ZMAT4: variants seen among roughly 807,000 people sequenced by gnomAD.
The protein encoded by ZMAT4 is zinc finger matrin-type 4.
Under a neutral mutation model 28.7 loss-of-function variants are expected in ZMAT4, and 17 were observed. The observed-to-expected ratio is 0.59, with a 90% CI of 0.41 to 0.89. The LOEUF (loss-of-function observed/expected upper bound fraction) is 0.89. Ranked by LOEUF, ZMAT4 falls within the 40% of genes least tolerant of loss-of-function variation. The pLI, the probability that ZMAT4 is intolerant of heterozygous loss-of-function variation, is 0.00. For synonymous variants in ZMAT4, 117 were observed against 109.2 expected, an observed-to-expected ratio of 1.07 and a Z score of -0.44; for missense variants, 240 against 283.8, an observed-to-expected ratio of 0.85 and a Z score of 1.11.
At chr8:40,684,466 G>A (rs1231457482) in intron 4 of ZMAT4, among the ~76,000 whole-genome samples, 1 of 152,192 alleles carries the variant, frequency 6.6e-6, no homozygotes, top group Non-Finnish European at 1.5e-5. Context: ...GCACCCCCTG[G>A]ATCACAGGCA....
chr8:40,813,674 G>C (rs745824068), intron 2 of ZMAT4, among the ~76,000 whole-genome samples: 1 of 152,226 alleles, frequency 6.6e-6, no homozygotes, highest in Non-Finnish European at 1.5e-5. Flanking sequence ...CAGACAAAAG[G>C]TATTACCTAG....
At chr8:40,702,454 A>T (rs1267519793) in intron 3 of ZMAT4, among the ~76,000 whole-genome samples, 1 of 152,240 alleles carries the variant, frequency 6.6e-6, no homozygotes, top group Admixed American at 6.5e-5. Context: ...TGCTGAAAGA[A>T]ATAAAAAGAA....
At chr8:40,848,874 C>T (rs1203452166) in intron 1 of ZMAT4, among the ~76,000 whole-genome samples, 2 of 152,156 alleles carry the variant, frequency 1.3e-5, no homozygotes, top group African/African-American at 4.8e-5. Flanking sequence ...ATTGTGGTTC[C>T]TGGTTCCACA....
At position 40,895,613 on chromosome 8, in the gene ZMAT4, G is replaced by A. The variant is rs543363270; in HGVS notation, c.-5+2070C>T. 3.3e-5 allele frequency among the ~76,000 whole-genome samples: 5 copies of A among 152,214 alleles called. No individual in the cohort carries two copies. In the East Asian group the frequency reaches 9.7e-4, roughly 29 times the overall value. Reference sequence around the variant, plus strand: ...GCGTGTCCCACTTGTACTTTCCAAGGCCCCCTCCGCCCCCTCCCCCCACAC... The same window carrying A: ...GCGTGTCCCACTTGTACTTTCCAAGACCCCCTCCGCCCCCTCCCCCCACAC... On this transcript the variant is annotated intron_variant, in intron 1 of 6. Coordinates refer to ENST00000297737, the MANE Select transcript of ZMAT4 (RefSeq NM_024645.3).
chr8:40,791,028 G>A (rs1007010311), intron 2 of ZMAT4, among the ~76,000 whole-genome samples: 2 of 152,198 alleles, frequency 1.3e-5, no homozygotes, highest in Admixed American at 6.5e-5. Flanking sequence ...GTAATTCAAT[G>A]GAGAAAGGCG....
intron 6 of ZMAT4, among the ~76,000 whole-genome samples, chr8:40,569,618 G>A (rs748322748): frequency 2.0e-5 from 3 of 152,150 alleles, no homozygotes; most frequent in Non-Finnish European, 4.4e-5. Context: ...TTTATGCTCT[G>A]TATTCATAGC....
intron 5 of ZMAT4, among the ~76,000 whole-genome samples, chr8:40,634,315 G>T (rs1020217612): frequency 6.6e-6 from 1 of 152,066 alleles, no homozygotes. Context: ...TCCTGAAAAA[G>T]ACCTTGTAAG....
At chr8:40,699,165 C>T (rs1447705763) in intron 3 of ZMAT4, among the ~76,000 whole-genome samples, 1 of 152,032 alleles carries the variant, frequency 6.6e-6, no homozygotes, top group East Asian at 1.9e-4. Context: ...AGGGAGATGG[C>T]ATATACCAGG....
intron 1 of ZMAT4, among the ~76,000 whole-genome samples, chr8:40,846,301 A>G (rs1436243650): frequency 6.6e-6 from 1 of 152,086 alleles, no homozygotes; most frequent in Non-Finnish European, 1.5e-5. Flanking sequence ...CACTCAACCC[A>G]ATCCCCAGCC....
intron 1 of ZMAT4, chr8:40,884,425 A>AT (rs34072708): frequency 0.17 from 24,431 of 147,526 alleles, 2,096 homozygotes; most frequent in African/African-American, 0.2. Context: ...TTGACATTTC[A>AT]TTTTTTTTTT....
chr8:40,671,890 G>T (rs1366076343), intron 5 of ZMAT4, among the ~76,000 whole-genome samples: 3 of 152,144 alleles, frequency 2.0e-5, no homozygotes, highest in Admixed American at 6.5e-5. Flanking sequence ...AAATGAAAAT[G>T]ATTGCCATGT....
intron 6 of ZMAT4, among the ~76,000 whole-genome samples, chr8:40,549,459 G>A (rs558237369): frequency 1.3e-5 from 2 of 152,104 alleles, no homozygotes; most frequent in Non-Finnish European, 2.9e-5. Flanking sequence ...GGCCTAAAAT[G>A]CTTCACTGTC....
chr8:40,769,081 A>G (rs1813280794), intron 2 of ZMAT4, among the ~76,000 whole-genome samples: 1 of 152,212 alleles, frequency 6.6e-6, no homozygotes, highest in Non-Finnish European at 1.5e-5. Flanking sequence ...CCAAGCTTCT[A>G]GACAATCCCT....
At chr8:40,716,983 G>A (rs1267255770) in intron 3 of ZMAT4, among the ~76,000 whole-genome samples, 1 of 152,172 alleles carries the variant, frequency 6.6e-6, no homozygotes, top group Non-Finnish European at 1.5e-5. Context: ...TGTGTCACTG[G>A]AAAGTTAATC....
chr8:40,851,951 G>A (rs979263363), intron 1 of ZMAT4, among the ~76,000 whole-genome samples: 12 of 152,022 alleles, frequency 7.9e-5, no homozygotes, highest in Non-Finnish European at 1.8e-4. Context: ...GGCTGGAGTG[G>A]AGTGGCAAAA....
intron 3 of ZMAT4, among the ~76,000 whole-genome samples, chr8:40,729,466 G>A (rs924160246): frequency 1.1e-4 from 17 of 152,268 alleles, no homozygotes; most frequent in African/African-American, 3.4e-4. Context: ...AAACAGCAAA[G>A]CAACATCATA....
At chr8:40,833,436 T>C (rs1325555931) in intron 1 of ZMAT4, among the ~76,000 whole-genome samples, 2 of 149,970 alleles carry the variant, frequency 1.3e-5, no homozygotes, top group Non-Finnish European at 1.5e-5. Context: ...GGTGTGGTGG[T>C]GCGTGCCTGT....
chr8:40,707,952 G>T (rs1257787162), intron 3 of ZMAT4, among the ~76,000 whole-genome samples: 1 of 152,102 alleles, frequency 6.6e-6, no homozygotes, highest in African/African-American at 2.4e-5. Context: ...AGAGTTCTCA[G>T]AAAATGTTGG....
At chr8:40,693,692 T>C (rs1809754134) in intron 4 of ZMAT4, among the ~76,000 whole-genome samples, 1 of 152,210 alleles carries the variant, frequency 6.6e-6, no homozygotes, top group Non-Finnish European at 1.5e-5. Context: ...CATTGCAGCA[T>C]AAAAGCAGCC....
Sources: allele counts gnomAD v4.1 joint callset (sites outside exome capture counted in the v4.1 genomes callset), GRCh38; gene constraint gnomAD v4.1.1; transcripts MANE v1.5; gene names NCBI Gene and HGNC (gene_info 2026-07-23, HGNC 2026-07-21).